Variants in SDK1 observed in about 807,000 individuals in gnomAD.
The protein encoded by SDK1 is protein sidekick-1.
SDK1 carries 157 observed loss-of-function variants against 245.5 expected under a neutral mutation model. That is an observed-to-expected ratio of 0.64 (90% CI 0.56 to 0.73). The LOEUF (loss-of-function observed/expected upper bound fraction) is 0.73, where lower values mean the gene tolerates loss of function less well. Ranked by LOEUF, SDK1 falls within the 30% of genes least tolerant of loss-of-function variation. The probability of loss-of-function intolerance (pLI) is 0.00; values close to 1 mark genes in which losing one functional copy is unlikely to be tolerated. For synonymous variants in SDK1, 1,647 were observed against 1,278.5 expected, an observed-to-expected ratio of 1.29 and a Z score of -6.15; for missense variants, 3,583 against 3,002.3, an observed-to-expected ratio of 1.19 and a Z score of -4.52.
chr7:4,218,005 C>CAT (rs1784928723), intron 38 of SDK1, among the ~76,000 whole-genome samples: 1 of 152,152 alleles, frequency 6.6e-6, no homozygotes, highest in Admixed American at 6.5e-5. Flanking sequence ...TCACTATGTG[C>CAT]ACAAACTGCC....
rs184484219 is a variant in SDK1 at position 3,808,746 on chromosome 7, C to T, written c.714-12704C>T. On this transcript the variant is annotated intron_variant, in intron 4 of 44. Coordinates refer to ENST00000404826, the MANE Select transcript of SDK1 (RefSeq NM_152744.4). ...ACTTGTTTTCCAGAACAGTGTCCATCGTCACAGAGAGTGATGGCACTGGCG... is the reference window on the plus strand; with the variant it reads ...ACTTGTTTTCCAGAACAGTGTCCATTGTCACAGAGAGTGATGGCACTGGCG... 1.6e-3 allele frequency among the ~76,000 whole-genome samples: 236 copies of T among 152,204 alleles called. 1 individual carries two copies. The highest frequency in any genetic ancestry group is 2.9e-3 in the Non-Finnish European group (194 of 68,034).
At chr7:3,613,444 C>G (rs1282459538) in intron 1 of SDK1, among the ~76,000 whole-genome samples, 1 of 152,146 alleles carries the variant, frequency 6.6e-6, no homozygotes, top group Non-Finnish European at 1.5e-5. Flanking sequence ...TCCTTTTTCT[C>G]CACAACCTCT....
intron 4 of SDK1, among the ~76,000 whole-genome samples, chr7:3,807,600 C>T (rs903141253): frequency 6.6e-6 from 1 of 152,026 alleles, no homozygotes; most frequent in Admixed American, 6.5e-5. Flanking sequence ...CAGAGAGAAA[C>T]AGAGAGAGTG....
At chr7:3,881,199 CA>C (rs1781200560) in intron 5 of SDK1, among the ~76,000 whole-genome samples, 1 of 152,068 alleles carries the variant, frequency 6.6e-6, no homozygotes, top group Non-Finnish European at 1.5e-5. Context: ...ATCAACCCAC[CA>C]CCTAGGTATT....
chr7:3,605,998 T>G (rs563327087), intron 1 of SDK1, among the ~76,000 whole-genome samples: 4 of 152,212 alleles, frequency 2.6e-5, no homozygotes, highest in Non-Finnish European at 5.9e-5. Context: ...TCTAAGGTGT[T>G]AATTTTGCAT....
intron 1 of SDK1, among the ~76,000 whole-genome samples, chr7:3,566,267 C>T (rs1304535883): frequency 3.3e-5 from 5 of 149,528 alleles, no homozygotes; most frequent in Non-Finnish European, 5.9e-5. Context: ...CTCTGTCGCC[C>T]AGGCTGGAGT....
chr7:3,828,683 ACT>A (rs892214806), intron 5 of SDK1, among the ~76,000 whole-genome samples: 2 of 122,818 alleles, frequency 1.6e-5, no homozygotes, highest in African/African-American at 3.3e-5. Flanking sequence ...TGACACAAGG[ACT>A]CTGTCACATG....
chr7:3,549,168 T>G (rs1225324307), intron 1 of SDK1, among the ~76,000 whole-genome samples: 1 of 152,266 alleles, frequency 6.6e-6, no homozygotes, highest in African/African-American at 2.4e-5. Context: ...TTATCTTTCA[T>G]GCAAACAGTT....
intron 1 of SDK1, among the ~76,000 whole-genome samples, chr7:3,450,053 G>GT (rs1403577252): frequency 6.6e-6 from 1 of 152,224 alleles, no homozygotes; most frequent in Non-Finnish European, 1.5e-5. Context: ...AGGCATAAAG[G>GT]TTGAGGGTGG....
intron 7 of SDK1, among the ~76,000 whole-genome samples, chr7:3,957,152 T>A (rs1224663248): frequency 6.6e-6 from 1 of 152,100 alleles, no homozygotes; most frequent in South Asian, 2.1e-4. Context: ...AGAGAACGGA[T>A]TAGTGGTTGT....
intron 5 of SDK1, among the ~76,000 whole-genome samples, chr7:3,882,907 T>C (rs74845418): frequency 0.029 from 4,441 of 152,276 alleles, 238 homozygotes; most frequent in African/African-American, 0.1. Context: ...ACCTAAGAGA[T>C]TGTTCTGGCT....
At chr7:4,225,471 G>A (rs907981145) in intron 40 of SDK1, among the ~76,000 whole-genome samples, 1 of 152,090 alleles carries the variant, frequency 6.6e-6, no homozygotes, top group African/African-American at 2.4e-5. Flanking sequence ...GCCTCTTAAC[G>A]CTGTGAACAC....
rs562183227 is a variant in SDK1 at position 3,971,714 on chromosome 7, G to A, written c.1817+146G>A. 5.2e-5 allele frequency: 34 copies of A among 659,088 alleles called. No individual in the cohort carries two copies. In the East Asian group the frequency reaches 5.2e-4, roughly 10 times the overall value. 40.8% of individuals were successfully genotyped at this position (659,088 alleles called of 1,614,324 possible). ...ACGGTATCTTCTGGTTGTGGGCACCGTCATTAATCATGCAAATCCCATTTT... is the reference window on the plus strand; with the variant it reads ...ACGGTATCTTCTGGTTGTGGGCACCATCATTAATCATGCAAATCCCATTTT... On this transcript the variant is annotated intron_variant, in intron 12 of 44. Transcript: ENST00000404826.
chr7:3,598,098 G>C (rs1454475078), intron 1 of SDK1, among the ~76,000 whole-genome samples: 2 of 152,154 alleles, frequency 1.3e-5, no homozygotes, highest in African/African-American at 4.8e-5. Context: ...CCTACATTTA[G>C]TGTTGTTTGT....
chr7:3,565,808 G>GT (rs1450890650), intron 1 of SDK1, among the ~76,000 whole-genome samples: 1 of 152,140 alleles, frequency 6.6e-6, no homozygotes, highest in African/African-American at 2.4e-5. Flanking sequence ...AGGGAATAAT[G>GT]ACAGGAAAAA....
chr7:3,810,187 G>A (rs1779351326), intron 4 of SDK1, among the ~76,000 whole-genome samples: 1 of 152,184 alleles, frequency 6.6e-6, no homozygotes, highest in Admixed American at 6.5e-5. Context: ...AGCAGTTTTA[G>A]TTGGTCCTCA....
chr7:3,684,130 G>C (rs1050816942), intron 4 of SDK1, among the ~76,000 whole-genome samples: 2 of 152,208 alleles, frequency 1.3e-5, no homozygotes, highest in Non-Finnish European at 2.9e-5. Flanking sequence ...GCAGTGACAG[G>C]TGGTACACTG....
chr7:4,225,530 C>T (rs1012288728), intron 40 of SDK1, among the ~76,000 whole-genome samples: 2 of 152,120 alleles, frequency 1.3e-5, no homozygotes, highest in East Asian at 1.9e-4. Context: ...TCAGGCTTGC[C>T]GAGAGAGCCC....
intron 1 of SDK1, among the ~76,000 whole-genome samples, chr7:3,446,561 T>C (rs979787656): frequency 6.6e-6 from 1 of 152,196 alleles, no homozygotes; most frequent in Non-Finnish European, 1.5e-5. Flanking sequence ...TGTATCATGC[T>C]AAATGTTTTG....
Sources: allele counts gnomAD v4.1 joint callset (sites outside exome capture counted in the v4.1 genomes callset), GRCh38; gene constraint gnomAD v4.1.1; transcripts MANE v1.5; gene names NCBI Gene and HGNC (gene_info 2026-07-23, HGNC 2026-07-21).